The following MACROD2 variants were observed in gnomAD, a reference collection of about 807,000 sequenced individuals.
MACROD2 encodes the protein ADP-ribose glycohydrolase MACROD2.
A neutral mutation model predicts 70.4 loss-of-function variants in MACROD2; 36 were observed. That is an observed-to-expected ratio of 0.51 (90% CI 0.39 to 0.68). The LOEUF (loss-of-function observed/expected upper bound fraction) is 0.68, where lower values mean the gene tolerates loss of function less well. Among genes scored for constraint, MACROD2 ranks in the 30% least tolerant of loss-of-function variants. The pLI is 0.00. For missense variants in MACROD2, 496 were observed against 538.4 expected, an observed-to-expected ratio of 0.92 and a Z score of 0.78; for synonymous variants, 172 against 178.8, an observed-to-expected ratio of 0.96 and a Z score of 0.30.
At chr20:14,092,265 C>G (rs930671433) in intron 3 of MACROD2, among the ~76,000 whole-genome samples, 6 of 152,050 alleles carry the variant, frequency 3.9e-5, no homozygotes, top group African/African-American at 1.4e-4. Context: ...TTAATTATGT[C>G]AAACACCTCT....
intron 12 of MACROD2, among the ~76,000 whole-genome samples, chr20:15,959,377 T>C (rs2066025941): frequency 6.6e-6 from 1 of 152,232 alleles, no homozygotes; most frequent in South Asian, 2.1e-4. Flanking sequence ...CTGTTTCGTC[T>C]TTAATTTTCT....
At chr20:15,275,169 G>T (rs564465239) in intron 6 of MACROD2, among the ~76,000 whole-genome samples, 41 of 152,296 alleles carry the variant, frequency 2.7e-4, no homozygotes, top group African/African-American at 9.4e-4. Flanking sequence ...GGCATGGGAT[G>T]GGTCCATGGC....
At chr20:15,770,200 T>C (rs575626667) in intron 8 of MACROD2, among the ~76,000 whole-genome samples, 1 of 146,486 alleles carries the variant, frequency 6.8e-6, no homozygotes, top group South Asian at 2.3e-4. Context: ...GCTCAAGCAA[T>C]CCTTCTGCTT....
intron 6 of MACROD2, among the ~76,000 whole-genome samples, chr20:15,240,634 G>T (rs2077052804): frequency 6.6e-6 from 1 of 152,200 alleles, no homozygotes; most frequent in Non-Finnish European, 1.5e-5. Flanking sequence ...TTAACTGGGT[G>T]ATGGGCAGGT....
chr20:14,053,082 T>C (rs1418762339), intron 2 of MACROD2: 1 of 151,240 alleles, frequency 6.6e-6, no homozygotes, highest in Admixed American at 6.6e-5. Context: ...CCTCTTCTTT[T>C]TTTTTTTTTT....
chr20:14,741,652 T>C (rs111870278), intron 5 of MACROD2, among the ~76,000 whole-genome samples: 3 of 152,160 alleles, frequency 2.0e-5, no homozygotes, highest in African/African-American at 7.2e-5. Flanking sequence ...AACATAAATT[T>C]TGAAAAATTA....
At position 14,218,498 on chromosome 20, in the gene MACROD2, C is replaced by T. The variant is rs143639156; in HGVS notation, c.271+132770C>T. 4.3e-4 allele frequency among the ~76,000 whole-genome samples: 66 copies of T among 152,260 alleles called. 1 individual carries two copies. In the East Asian group the frequency reaches 0.012, roughly 29 times the overall value. On this transcript the variant is annotated intron_variant, in intron 3 of 17. Coordinates refer to ENST00000684519, the MANE Select transcript of MACROD2 (RefSeq NM_001351661.2). ...TATCTCTTAAGTGGAGCATTTAGGC[C>T]ATTTACATTCAATGTTAGTATTGAA...
chr20:14,693,603 T>G (rs2071087730), intron 5 of MACROD2, among the ~76,000 whole-genome samples: 1 of 152,194 alleles, frequency 6.6e-6, no homozygotes, highest in African/African-American at 2.4e-5. Context: ...TCCCAAAGAT[T>G]AAATATTAGG....
At chr20:14,994,738 C>CA (rs1281850734) in intron 5 of MACROD2, among the ~76,000 whole-genome samples, 1 of 152,186 alleles carries the variant, frequency 6.6e-6, no homozygotes, top group Non-Finnish European at 1.5e-5. Context: ...GAACTTCATG[C>CA]AAAAATGCCA....
chr20:14,453,659 T>C (rs1170375305), intron 3 of MACROD2, among the ~76,000 whole-genome samples: 1 of 152,096 alleles, frequency 6.6e-6, no homozygotes, highest in Non-Finnish European at 1.5e-5. Context: ...AATAGTAGAA[T>C]GTACTGTATT....
intron 4 of MACROD2, among the ~76,000 whole-genome samples, chr20:14,569,393 A>T (rs984379317): frequency 2.0e-5 from 3 of 152,058 alleles, no homozygotes; most frequent in East Asian, 3.9e-4. Context: ...AATAGTATAG[A>T]TATTGAGCCA....
At chr20:14,363,749 G>A (rs1045673945) in intron 3 of MACROD2, among the ~76,000 whole-genome samples, 2 of 143,490 alleles carry the variant, frequency 1.4e-5, no homozygotes, top group Admixed American at 1.5e-4. Flanking sequence ...CCCGGGAGGC[G>A]GAGCTTGCAG....
At chr20:14,156,391 A>G (rs1475755934) in intron 3 of MACROD2, among the ~76,000 whole-genome samples, 3 of 152,192 alleles carry the variant, frequency 2.0e-5, no homozygotes, top group Non-Finnish European at 4.4e-5. Context: ...TTGCTTAACT[A>G]TGAAATGCTA....
rs139855303 is a variant in MACROD2, at chr20:14,152,587, C to T, written c.271+66859C>T. Among the ~76,000 whole-genome samples the T allele has an allele frequency of 4.9e-3, 751 of 152,000 alleles. 9 individuals are homozygous for T. The highest frequency in any genetic ancestry group is 0.017 in the African/African-American group (707 of 41,470). On this transcript the variant is annotated intron_variant, in intron 3 of 17. Transcript: ENST00000684519. The stretch of plus-strand genomic sequence containing the variant: ...AATTACAGATGTGCACCACCATGCC[C>T]GGCTAATTTTTGTATTTTTAGTAGA...
At chr20:15,920,727 G>A (rs890065748) in intron 10 of MACROD2, among the ~76,000 whole-genome samples, 9 of 152,180 alleles carry the variant, frequency 5.9e-5, no homozygotes, top group Non-Finnish European at 1.2e-4. Context: ...GGCTCAAATC[G>A]TAATTCTGCT....
At chr20:15,553,846 C>T (rs536868473) in intron 8 of MACROD2, among the ~76,000 whole-genome samples, 9 of 152,262 alleles carry the variant, frequency 5.9e-5, no homozygotes, top group East Asian at 1.9e-4. Flanking sequence ...GATAGAGGCA[C>T]GGACAAGAAT....
intron 5 of MACROD2, among the ~76,000 whole-genome samples, chr20:15,082,856 T>TA (rs1003835166): frequency 2.0e-5 from 3 of 151,850 alleles, no homozygotes; most frequent in Non-Finnish European, 4.4e-5. Context: ...TTTGTGCAAC[T>TA]AAAAAAAAGC....
rs553225988 is a variant in MACROD2, at chr20:15,283,216, A to T, written c.540+53155A>T. ...TTGGGTGGGGACACAGAGCCAAACCATATCAGCCCCAGACCCTAATTAATC... is the reference window on the plus strand; with the variant it reads ...TTGGGTGGGGACACAGAGCCAAACCTTATCAGCCCCAGACCCTAATTAATC... On this transcript the variant is annotated intron_variant, in intron 6 of 17. Transcript: ENST00000684519. Among the ~76,000 whole-genome samples, 5 of 152,284 alleles carry T rather than the reference A, an allele frequency of 3.3e-5. No individual in the cohort carries two copies. In the South Asian group the frequency reaches 6.2e-4, roughly 19 times the overall value.
intron 5 of MACROD2, among the ~76,000 whole-genome samples, chr20:14,751,982 A>G (rs1045966377): frequency 5.3e-5 from 8 of 151,936 alleles, no homozygotes; most frequent in African/African-American, 1.9e-4. Context: ...GGCTTCCATA[A>G]TGAAACATTG....
Sources: gnomAD v4.1 joint callset for allele counts (sites outside exome capture counted in the v4.1 genomes callset) on GRCh38, gnomAD v4.1.1 for gene constraint, MANE v1.5 for transcripts, NCBI Gene and HGNC (gene_info 2026-07-23, HGNC 2026-07-21) for gene names.